The following C1orf185 variants were observed in gnomAD, a reference collection of about 807,000 sequenced individuals.
C1orf185 encodes the protein chromosome 1 open reading frame 185, also known as uncharacterized protein C1orf185.
Under a neutral mutation model 16.1 loss-of-function variants are expected in C1orf185, and 13 were observed. The ratio of observed to expected loss-of-function variants is 0.81; its 90% confidence interval spans 0.53 to 1.28. The LOEUF is 1.28. C1orf185 is among the 50% of genes most tolerant of loss of function. The pLI, the probability that C1orf185 is intolerant of heterozygous loss-of-function variation, is 0.00. For missense variants in C1orf185, 220 were observed against 225.2 expected (o/e 0.98, Z 0.15); for synonymous variants, 80 against 76.9 (o/e 1.04, Z -0.21).
chr1:51,148,274 C>A (rs997683861), downstream of C1orf185, among the ~76,000 whole-genome samples: 13 of 152,122 alleles, frequency 8.5e-5, no homozygotes, highest in Non-Finnish European at 1.5e-4. Flanking sequence ...CAGGCGCCTA[C>A]CACCATGCCA....
At chr1:51,105,026 C>T (rs1332310863) in intron 1 of C1orf185, among the ~76,000 whole-genome samples, 2 of 151,544 alleles carry the variant, frequency 1.3e-5, no homozygotes, top group Non-Finnish European at 2.9e-5. Flanking sequence ...GGTGCAATCT[C>T]GGCTCACTGC....
chr1:51,106,476 A>C lies in C1orf185; in HGVS notation c.16+4227A>C, dbSNP rs1646073151. Among the ~76,000 whole-genome samples, 4 of 151,988 alleles carry C rather than the reference A, an allele frequency of 2.6e-5. No individual in the cohort carries two copies. The South Asian group carries it at 8.3e-4, about 32-fold the overall frequency. ...GCAAAAAAGTGAGACTCTGTCTCTAAAAAAATTAAAAAGATTAGCCAGGAA... is the reference window on the plus strand; with the variant it reads ...GCAAAAAAGTGAGACTCTGTCTCTACAAAAATTAAAAAGATTAGCCAGGAA... On this transcript the variant is annotated intron_variant, in intron 1 of 4. Coordinates refer to ENST00000371759, the MANE Select transcript of C1orf185 (RefSeq NM_001136508.2).
intron 3 of C1orf185, among the ~76,000 whole-genome samples, chr1:51,122,136 G>A (rs1207703977): frequency 6.6e-6 from 1 of 151,978 alleles, no homozygotes; most frequent in African/African-American, 2.4e-5. Context: ...GTATTCCATT[G>A]TGTGAAAATA....
At chr1:51,128,761 G>A (rs922687628) in intron 3 of C1orf185, among the ~76,000 whole-genome samples, 6 of 152,050 alleles carry the variant, frequency 3.9e-5, no homozygotes, top group African/African-American at 1.2e-4. Flanking sequence ...GACTAAAGAC[G>A]GTGAGCTTGT....
At chr1:51,145,325 T>C (rs1389918084) in intron 3 of C1orf185, among the ~76,000 whole-genome samples, 1 of 151,784 alleles carries the variant, frequency 6.6e-6, no homozygotes, top group African/African-American at 2.4e-5. Flanking sequence ...ATAATAATAA[T>C]AATAATAATC....
intron 1 of C1orf185, among the ~76,000 whole-genome samples, chr1:51,103,410 A>AAAACACACACAC (rs1553161775): frequency 7.8e-6 from 1 of 128,892 alleles, no homozygotes; most frequent in African/African-American, 3.1e-5. Flanking sequence ...TGTCTCGAAA[A>AAAACACACACAC]ACACACACAC....
chr1:51,140,338 G>A (rs1646356443), intron 3 of C1orf185, among the ~76,000 whole-genome samples: 1 of 151,964 alleles, frequency 6.6e-6, no homozygotes, highest in Admixed American at 6.6e-5. Flanking sequence ...TTCTTTCAAT[G>A]GATTCTAGGT....
intron 1 of C1orf185, among the ~76,000 whole-genome samples, chr1:51,104,976 T>C (rs971362840): frequency 6.6e-6 from 1 of 152,084 alleles, no homozygotes; most frequent in Non-Finnish European, 1.5e-5. Context: ...CTCCATTTTT[T>C]TTTTTTGAGA....
intron 2 of C1orf185, among the ~76,000 whole-genome samples, chr1:51,113,005 G>A (rs1255017803): frequency 6.6e-6 from 1 of 151,794 alleles, no homozygotes; most frequent in African/African-American, 2.4e-5. Context: ...TTTTAGTAGA[G>A]ACGGGGTTTC....
chr1:51,119,563 C>T (rs531679381), intron 3 of C1orf185, among the ~76,000 whole-genome samples: 2 of 152,258 alleles, frequency 1.3e-5, no homozygotes, highest in South Asian at 2.1e-4. Flanking sequence ...AAACCAAGGG[C>T]GGGAGGATTG....
chr1:51,127,580 C>G (rs1024351939), intron 3 of C1orf185, among the ~76,000 whole-genome samples: 1 of 152,112 alleles, frequency 6.6e-6, no homozygotes, highest in Non-Finnish European at 1.5e-5. Flanking sequence ...GCCACTGCGC[C>G]CAGCAGCTTT....
rs371914739 is a variant in C1orf185, at chr1:51,147,539, G to C, written c.368G>C (p.Ser123Thr). 1.5e-5 allele frequency: 23 copies of C among 1,551,364 alleles called. No individual in the cohort carries two copies. The African/African-American group carries it at 1.8e-4, about 12-fold the overall frequency. Residue 123 changes from serine to threonine, a missense_variant, in exon 5 of 5, where the codon AGC becomes ACC. Transcript: ENST00000371759. ...KNIICDPSET[S>T]STTNRSSVTL... Reference sequence around the variant, plus strand: ...ATCATTTGTGATCCCTCAGAGACCAGCTCCACAACAAATCGCAGCAGTGTT... The same window carrying C: ...ATCATTTGTGATCCCTCAGAGACCACCTCCACAACAAATCGCAGCAGTGTT...
chr1:51,117,877 G>A (rs538028953), intron 2 of C1orf185, among the ~76,000 whole-genome samples: 4 of 151,982 alleles, frequency 2.6e-5, no homozygotes, highest in East Asian at 1.9e-4. Flanking sequence ...AAAAGATTAC[G>A]GTACTCTTCC....
chr1:51,148,495 T>C (rs981468081), downstream of C1orf185, among the ~76,000 whole-genome samples: 1 of 152,204 alleles, frequency 6.6e-6, no homozygotes, highest in African/African-American at 2.4e-5. Context: ...CAATTTTATT[T>C]CAGTGTGGGT....
intron 3 of C1orf185, among the ~76,000 whole-genome samples, chr1:51,138,808 C>T (rs1183747282): frequency 6.6e-6 from 1 of 152,192 alleles, no homozygotes; most frequent in Non-Finnish European, 1.5e-5. Flanking sequence ...CTGCCCCAGC[C>T]TCCCAACCAG....
chr1:51,148,974 T>G (rs4926880), downstream of C1orf185, among the ~76,000 whole-genome samples: 612 of 152,190 alleles, frequency 4.0e-3, 5 homozygotes, highest in East Asian at 0.014. Context: ...CTTTCCTATC[T>G]CTATTTCTCA....
intron 1 of C1orf185, among the ~76,000 whole-genome samples, chr1:51,112,024 G>C (rs1167003006): frequency 6.6e-6 from 1 of 151,676 alleles, no homozygotes; most frequent in Non-Finnish European, 1.5e-5. Flanking sequence ...CCTCATATTT[G>C]TTACTTTATT....
At chr1:51,116,268 T>G (rs1371013677) in intron 2 of C1orf185, among the ~76,000 whole-genome samples, 1 of 151,844 alleles carries the variant, frequency 6.6e-6, no homozygotes, top group East Asian at 1.9e-4. Flanking sequence ...TTCTCCACAC[T>G]TCTACCAGAT....
intron 3 of C1orf185, among the ~76,000 whole-genome samples, chr1:51,125,512 T>A (rs1646233744): frequency 2.0e-5 from 3 of 152,158 alleles, no homozygotes; most frequent in Admixed American, 1.3e-4. Context: ...TCCTAAATTA[T>A]AAAGGGGGCA....
Sources: allele counts gnomAD v4.1 joint callset (sites outside exome capture counted in the v4.1 genomes callset), GRCh38; gene constraint gnomAD v4.1.1; transcripts MANE v1.5; gene names NCBI Gene and HGNC (gene_info 2026-07-23, HGNC 2026-07-21).